ADGRG6: variants seen among roughly 807,000 people sequenced by gnomAD.
ADGRG6 encodes G-protein coupled receptor 126.
ADGRG6 carries 84 observed loss-of-function variants against 142.4 expected under a neutral mutation model. The ratio of observed to expected loss-of-function variants is 0.59; its 90% confidence interval spans 0.49 to 0.71. The LOEUF is 0.71. Ranked by LOEUF, ADGRG6 falls within the 30% of genes least tolerant of loss-of-function variation. The pLI, the probability that ADGRG6 is intolerant of heterozygous loss-of-function variation, is 0.00. For missense variants in ADGRG6, 1,367 were observed against 1,466.6 expected (o/e 0.93, Z 1.11); for synonymous variants, 521 against 520.5 (o/e 1.00, Z -0.01).
chr6:142,307,028 G>T (rs962522080), intron 1 of ADGRG6, among the ~76,000 whole-genome samples: 3 of 152,060 alleles, frequency 2.0e-5, no homozygotes, highest in Admixed American at 6.6e-5. Context: ...ATTGCAGGCA[G>T]CTTTGATAAG....
At chr6:142,404,317 T>C (rs1775687734) in intron 14 of ADGRG6, 1 of 248,196 alleles carries the variant, frequency 4.0e-6, no homozygotes, top group South Asian at 5.0e-5. Context: ...GCATTCTCTT[T>C]GCCAGTGGTT....
chr6:142,355,108 G>A (rs1780377595), intron 2 of ADGRG6, among the ~76,000 whole-genome samples: 1 of 152,134 alleles, frequency 6.6e-6, no homozygotes, highest in South Asian at 2.1e-4. Flanking sequence ...ATGGCAAAAT[G>A]GCACATAGTC....
chr6:142,339,146 T>C (rs962883351), intron 2 of ADGRG6, among the ~76,000 whole-genome samples: 4 of 152,220 alleles, frequency 2.6e-5, no homozygotes, highest in East Asian at 1.9e-4. Context: ...GTCATCTTTA[T>C]GTTTTTGAGT....
At chr6:142,336,363 T>C (rs1779316581) in intron 2 of ADGRG6, among the ~76,000 whole-genome samples, 1 of 152,178 alleles carries the variant, frequency 6.6e-6, no homozygotes, top group Non-Finnish European at 1.5e-5. Flanking sequence ...GTTTAGTAAT[T>C]CAGAAAGGGC....
At chr6:142,335,645 A>G (rs780664427) in intron 2 of ADGRG6, among the ~76,000 whole-genome samples, 4 of 152,210 alleles carry the variant, frequency 2.6e-5, no homozygotes, top group Non-Finnish European at 4.4e-5. Context: ...TTATTTACAC[A>G]GAGGATGAAT....
chr6:142,418,529 A>G (rs1003383306), intron 21 of ADGRG6, among the ~76,000 whole-genome samples: 7 of 152,284 alleles, frequency 4.6e-5, no homozygotes, highest in Admixed American at 6.5e-5. Flanking sequence ...AGGGACATTT[A>G]TAACAACATA....
At chr6:142,442,428 G>A (rs941796431) in intron 24 of ADGRG6, among the ~76,000 whole-genome samples, 1 of 152,094 alleles carries the variant, frequency 6.6e-6, no homozygotes, top group East Asian at 1.9e-4. Flanking sequence ...TAGAGCATAA[G>A]TGGGTTTCAG....
At chr6:142,429,342 T>C (rs75384411) in intron 22 of ADGRG6, among the ~76,000 whole-genome samples, 68 of 152,312 alleles carry the variant, frequency 4.5e-4, no homozygotes, top group Admixed American at 9.2e-4. Context: ...ATAATACACA[T>C]ATTGAATTGG....
intron 2 of ADGRG6, among the ~76,000 whole-genome samples, chr6:142,314,811 A>G (rs1206402813): frequency 6.6e-6 from 1 of 152,216 alleles, no homozygotes; most frequent in Non-Finnish European, 1.5e-5. Context: ...TTAATGCTGT[A>G]AGAACCAAAT....
intron 2 of ADGRG6, among the ~76,000 whole-genome samples, chr6:142,337,838 T>C (rs1779391540): frequency 6.6e-6 from 1 of 151,820 alleles, no homozygotes; most frequent in Non-Finnish European, 1.5e-5. Flanking sequence ...CAGTCTATAC[T>C]GATCTTGATA....
At position 142,443,460 on chromosome 6, in the gene ADGRG6, A is replaced by G. The variant is rs1218258211; in HGVS notation, c.3698A>G (p.Asn1233Ser). 1.9e-6 allele frequency: 3 copies of G among 1,611,846 alleles called. No homozygotes were observed. Among genetic ancestry groups the G allele is most frequent in the Admixed American group, 3.3e-5 (2 of 59,928 alleles). ...GGTTATTGCAATGCTCATTCAGACA[A>G]CTTCTATAAAAATATTATCATGTCA... ...VKGYCNAHSD[N>S]FYKNIIMSDT... is the part of the protein sequence containing the mutation. Residue 1233 changes from asparagine to serine, a missense_variant, in exon 25 of 25, where the codon AAC becomes AGC. Around this residue, in one of 3 missense-constraint regions of ADGRG6, gnomAD observed 344 missense variants for 348.7 expected, o/e 0.99. Transcript: ENST00000367609.
chr6:142,398,063 A>T (rs1319423766), intron 10 of ADGRG6, among the ~76,000 whole-genome samples: 1 of 152,236 alleles, frequency 6.6e-6, no homozygotes, highest in Non-Finnish European at 1.5e-5. Flanking sequence ...TTTAGGGAAA[A>T]AAAAGAGTGT....
intron 2 of ADGRG6, among the ~76,000 whole-genome samples, chr6:142,364,368 C>T (rs1780854345): frequency 6.6e-6 from 1 of 152,134 alleles, no homozygotes; most frequent in Admixed American, 6.6e-5. Context: ...ATCAAATGTT[C>T]TTCTGAATTC....
chr6:142,421,435 A>G (rs1371427718), intron 22 of ADGRG6, among the ~76,000 whole-genome samples: 3 of 152,238 alleles, frequency 2.0e-5, no homozygotes. Flanking sequence ...AGTATGTAGC[A>G]TATAAATACA....
intron 2 of ADGRG6, 27 bp from the exon 3 acceptor site, chr6:142,367,542 T>C (rs1781001663): frequency 6.3e-7 from 1 of 1,588,884 alleles, no homozygotes; most frequent in South Asian, 1.1e-5. Context: ...AGCCCTTCTC[T>C]CTGTCTCTCT....
intron 6 of ADGRG6, among the ~76,000 whole-genome samples, chr6:142,387,527 G>T (rs73580445): frequency 6.6e-6 from 1 of 152,148 alleles, no homozygotes; most frequent in Non-Finnish European, 1.5e-5. Flanking sequence ...TATTGTAAAT[G>T]CCACTGTCGT....
chr6:142,314,713 T>C (rs1777939454), intron 2 of ADGRG6, among the ~76,000 whole-genome samples: 1 of 152,232 alleles, frequency 6.6e-6, no homozygotes, highest in Non-Finnish European at 1.5e-5. Flanking sequence ...AATAAGATAC[T>C]GGCCTTTAGA....
At chr6:142,347,337 C>T (rs960420470) in intron 2 of ADGRG6, among the ~76,000 whole-genome samples, 1 of 152,266 alleles carries the variant, frequency 6.6e-6, no homozygotes, top group East Asian at 1.9e-4. Flanking sequence ...TTTTATATCA[C>T]TGTATTGGGA....
At chr6:142,306,552 G>GT (rs564947122) in intron 1 of ADGRG6, among the ~76,000 whole-genome samples, 17 of 151,674 alleles carry the variant, frequency 1.1e-4, no homozygotes, top group East Asian at 5.8e-4. Context: ...AAGATGATAG[G>GT]TTTTTTTTGC....
Sources: allele counts gnomAD v4.1 joint callset (sites outside exome capture counted in the v4.1 genomes callset), GRCh38; gene constraint gnomAD v4.1.1; regional missense constraint gnomAD v4.1.1; transcripts MANE v1.5; gene names NCBI Gene and HGNC (gene_info 2026-07-23, HGNC 2026-07-21).